The following P2RX6 variants were observed in gnomAD, a reference collection of about 807,000 sequenced individuals.
The protein encoded by P2RX6 is P2X purinoceptor 6.
A neutral mutation model predicts 54.2 loss-of-function variants in P2RX6; 62 were observed. That is an observed-to-expected ratio of 1.14 (90% CI 0.93 to 1.41). P2RX6 has a LOEUF of 1.41. Ranked by LOEUF, P2RX6 falls within the 40% of genes most tolerant of loss-of-function variation. The pLI is 0.00. For synonymous variants in P2RX6, 211 were observed against 231.9 expected, an observed-to-expected ratio of 0.91 and a Z score of 0.82; for missense variants, 541 against 566.3, an observed-to-expected ratio of 0.96 and a Z score of 0.45.
upstream of P2RX6, among the ~76,000 whole-genome samples, chr22:21,010,512 G>A (rs1000564618): frequency 6.6e-6 from 1 of 152,142 alleles, no homozygotes; most frequent in African/African-American, 2.4e-5. Flanking sequence ...CTTCTGAAAT[G>A]CTGCAGAAAA....
Position 21,026,583 on chromosome 22 carries a change from A to T in P2RX6, c.1292A>T (p.Asp431Val). 6.3e-7 allele frequency: 1 copy of T among 1,590,012 alleles called. No individual in the cohort carries two copies. The highest frequency in any genetic ancestry group is 1.3e-5 in the African/African-American group (1 of 74,398). Reference protein sequence around the residue: ...QTPGWPCPSSDTHLPTHSGSL With the variant: ...QTPGWPCPSSVTHLPTHSGSL ...CCAGGATGGCCCTGTCCAAGTTCTG[A>T]CACCCACTTGCCAACCCATTCCGGG... Residue 431 changes from aspartate to valine, a missense_variant, in exon 12 of 12, where the codon GAC becomes GTC. Physicochemically the swap from Asp to Val is radical, Grantham distance 152. This residue lies in a region of P2RX6 where 526 missense variants were observed against 531.5 expected (regional missense o/e 0.99). Coordinates refer to ENST00000413302, the MANE Select transcript of P2RX6 (RefSeq NM_005446.5). This position sits in a 1 kb window ranked among gnomAD's most constrained non-coding sequence, Gnocchi z 4.0.
chr22:21,019,273 T>G (rs77330131), intron 3 of P2RX6, among the ~76,000 whole-genome samples: 1 of 152,160 alleles, frequency 6.6e-6, no homozygotes, highest in Non-Finnish European at 1.5e-5. Flanking sequence ...AGACATCCCA[T>G]GTCCGTAGTT....
upstream of P2RX6, among the ~76,000 whole-genome samples, chr22:21,011,214 A>C (rs1925719068): frequency 6.8e-6 from 1 of 146,484 alleles, no homozygotes; most frequent in Admixed American, 6.9e-5. Flanking sequence ...GAAGGAATGA[A>C]GAGTTCCGTG....
Position 21,016,027 on chromosome 22 carries a change from G to A in P2RX6, c.250G>A (p.Val84Ile), listed in dbSNP as rs143057846. Residue 84 changes from valine to isoleucine, a missense_variant, in exon 2 of 12, where the codon GTC becomes ATC. Physicochemically the swap from Val to Ile is conservative, Grantham distance 29. This residue lies in a region of P2RX6 where 526 missense variants were observed against 531.5 expected (regional missense o/e 0.99). Coordinates refer to ENST00000413302, the MANE Select transcript of P2RX6 (RefSeq NM_005446.5). Reference protein sequence around the residue: ...SIITKLKGVSVTQIKELGNRL... With the variant: ...SIITKLKGVSITQIKELGNRL... Reference sequence around the variant, plus strand: ...CATCACCAAACTCAAAGGGGTTTCCGTCACTCAGATCAAGGAGCTTGGAAA... The same window carrying A: ...CATCACCAAACTCAAAGGGGTTTCCATCACTCAGATCAAGGAGCTTGGAAA... 344 of 1,556,142 alleles carry A rather than the reference G, an allele frequency of 2.2e-4. 1 individual carries two copies. Among genetic ancestry groups the A allele is most frequent in the Non-Finnish European group, 1.6e-4 (180 of 1,150,526 alleles).
chr22:21,014,410 T>TA (rs746175035), upstream of P2RX6: 3 of 152,320 alleles, frequency 2.0e-5, no homozygotes, highest in Non-Finnish European at 4.4e-5. Context: ...CCCAGTGCTG[T>TA]AGGTTGCCGT....
chr22:21,023,516 C>T lies in P2RX6; in HGVS notation c.788C>T (p.Ser263Phe). Reference sequence around the variant, plus strand: ...GCTATGTGCTATGTGCAGGGTGGCTCTGTAGGCATCAGAGTTCACTGGGAT... The same window carrying T: ...GCTATGTGCTATGTGCAGGGTGGCTTTGTAGGCATCAGAGTTCACTGGGAT... Reference protein sequence around the residue: ...TFEDLALLGGSVGIRVHWDCD... With the variant: ...TFEDLALLGGFVGIRVHWDCD... Residue 263 changes from serine (S) to phenylalanine (F), a missense_variant, in exon 8 of 12, where the codon TCT (serine) becomes TTT (phenylalanine). By Grantham distance (155) the Ser-to-Phe change is radical (BLOSUM62 -2). Around this residue, in one of 2 missense-constraint regions of P2RX6, gnomAD observed 526 missense variants for 531.5 expected, o/e 0.99. Coordinates refer to ENST00000413302, the MANE Select transcript of P2RX6 (RefSeq NM_005446.5). 6.2e-7 allele frequency: 1 copy of T among 1,613,838 alleles called. No individual in the cohort carries two copies. The highest frequency in any genetic ancestry group is 8.5e-7 in the Non-Finnish European group (1 of 1,179,808).
intron 3 of P2RX6, chr22:21,018,360 C>A: frequency 2.5e-6 from 1 of 406,756 alleles, no homozygotes; most frequent in South Asian, 2.1e-5. Context: ...TGGGCAGCAG[C>A]AGTTCCCATG....
chr22:21,017,789 A>G (rs1254050835), intron 2 of P2RX6, 200 bp from the exon 3 acceptor site: 2 of 660,434 alleles, frequency 3.0e-6, no homozygotes, highest in East Asian at 2.8e-5. Context: ...AGAGATGGAC[A>G]TGGGCACAAG....
intron 8 of P2RX6, among the ~76,000 whole-genome samples, chr22:21,024,878 G>GTTTT (rs562371289): frequency 0.028 from 3,061 of 110,676 alleles, 149 homozygotes; most frequent in East Asian, 0.21. Context: ...TTTTTTTTGT[G>GTTTT]TTTTTTTTTT....
upstream of P2RX6, among the ~76,000 whole-genome samples, chr22:21,013,537 T>C (rs1401714101): frequency 6.6e-6 from 1 of 152,206 alleles, no homozygotes; most frequent in Non-Finnish European, 1.5e-5. Context: ...CAGTGAGCTA[T>C]GATCCTGCCA....
At chr22:21,024,631 C>G (rs1017553973) in intron 8 of P2RX6, among the ~76,000 whole-genome samples, 1 of 151,622 alleles carries the variant, frequency 6.6e-6, no homozygotes, top group Non-Finnish European at 1.5e-5. Context: ...AATGCAATGG[C>G]GTGGTCTTGG....
At chr22:21,018,287 C>T (rs1308681298) in intron 3 of P2RX6, 1 of 530,872 alleles carries the variant, frequency 1.9e-6, no homozygotes, top group Non-Finnish European at 3.4e-6. Context: ...AAGACTGAGG[C>T]TCAGTGAGGT....
rs201885852 is a variant in P2RX6, at chr22:21,022,931, T to C, written c.464-11T>C. On this transcript the variant is annotated splice_polypyrimidine_tract_variant and intron_variant, in intron 4 of 11. Transcript: ENST00000413302. ...GATTTGAAGGTCTGGAGTTCATCTT[T>C]TGTTTTCTAGGTGTAAAAACAGGCC... 9.3e-6 allele frequency: 15 copies of C among 1,610,298 alleles called. No homozygotes were observed. The African/African-American group carries it at 1.7e-4, about 19-fold the overall frequency.
rs1251848914 is a variant in P2RX6, at chr22:21,016,020, G to A, written c.243G>A (p.Gly81=). The A allele has an allele frequency of 1.3e-6, 2 of 1,553,880 alleles. No homozygotes were observed. The highest frequency in any genetic ancestry group is 2.7e-5 in the African/African-American group (2 of 73,182). The change falls in exon 2 of 12, where the codon GGG becomes GGA. Residue 81 remains glycine, a synonymous_variant. Coordinates refer to ENST00000413302, the MANE Select transcript of P2RX6 (RefSeq NM_005446.5). ...PQFSIITKLK[G]VSVTQIKELG... ...TTTCCATCATCACCAAACTCAAAGG[G>A]GTTTCCGTCACTCAGATCAAGGAGC...
chr22:21,022,671 C>T lies in P2RX6; in HGVS notation c.388-5C>T. The T allele has an allele frequency of 6.5e-7, 1 of 1,538,070 alleles. No individual in the cohort carries two copies. The highest frequency in any genetic ancestry group is 8.7e-7 in the Non-Finnish European group (1 of 1,143,234). On this transcript the variant is annotated splice_polypyrimidine_tract_variant and splice_region_variant and intron_variant, in intron 3 of 11. Transcript: ENST00000413302. ...CATTGGTGACTGCTCTCTCTCCCAC[C>T]TCAGCACCCGTCCGTCCCACTGGCT... is the stretch of plus-strand genomic sequence containing the variant.
At chr22:21,014,553 C>A (rs1338751254), upstream of P2RX6, among the ~76,000 whole-genome samples, 4 of 152,190 alleles carry the variant, frequency 2.6e-5, no homozygotes, top group East Asian at 7.7e-4. Flanking sequence ...CATCGCCCCC[C>A]TTTCGTGGAC....
upstream of P2RX6, among the ~76,000 whole-genome samples, chr22:21,012,200 T>G (rs1346072926): frequency 6.0e-5 from 9 of 150,474 alleles, 1 homozygote; most frequent in South Asian, 6.4e-4. Flanking sequence ...CGCCCCCAAC[T>G]CTCTGTGTTG....
chr22:21,015,836 C>T (rs1242070176), intron 1 of P2RX6, 106 bp from the exon 2 acceptor site: 42 of 1,206,658 alleles, frequency 3.5e-5, no homozygotes, highest in Middle Eastern at 2.8e-4. Flanking sequence ...GATGTTGGGC[C>T]GGGAGCCTGT....
chr22:21,012,456 A>AG, upstream of P2RX6: 1 of 444,978 alleles, frequency 2.2e-6, no homozygotes, highest in Admixed American at 3.0e-5. Context: ...CCCAGCTTTC[A>AG]GGGGTGGAGG....
Sources: gnomAD v4.1 joint callset for allele counts (sites outside exome capture counted in the v4.1 genomes callset) on GRCh38, gnomAD v4.1.1 for gene constraint, gnomAD v4.1.1 regional missense constraint, Gnocchi (gnomAD v3.1) non-coding constraint, MANE v1.5 for transcripts, NCBI Gene and HGNC (gene_info 2026-07-23, HGNC 2026-07-21) for gene names.